The following DLEU7 variants were observed in gnomAD, a reference collection of about 807,000 sequenced individuals.
DLEU7 encodes the protein deleted in lymphocytic leukemia 7.
In DLEU7, 17 loss-of-function variants were observed where a neutral mutation model predicts 16.0. The observed-to-expected ratio is 1.06, with a 90% CI of 0.73 to 1.59. The LOEUF is 1.59. Among genes scored for constraint, DLEU7 ranks in the 40% most tolerant of loss-of-function variants. The probability of loss-of-function intolerance (pLI) is 0.00; values close to 1 mark genes in which losing one functional copy is unlikely to be tolerated. For synonymous variants in DLEU7, 113 were observed against 139.8 expected (o/e 0.81, Z 1.35); for missense variants, 308 against 314.9 (o/e 0.98, Z 0.17).
chr13:50,767,319 G>C (rs1024715442), intron 1 of DLEU7, among the ~76,000 whole-genome samples: 1 of 152,118 alleles, frequency 6.6e-6, no homozygotes, highest in African/African-American at 2.4e-5. Flanking sequence ...AGCCGGGCGT[G>C]GTGGCGGGCG....
intron 1 of DLEU7, among the ~76,000 whole-genome samples, chr13:50,730,167 G>T (rs9591349): frequency 0.32 from 47,884 of 151,526 alleles, 8,233 homozygotes; most frequent in African/African-American, 0.39. Context: ...GGAGGCAGAG[G>T]AGGGGTTGGT....
intron 1 of DLEU7, among the ~76,000 whole-genome samples, chr13:50,760,340 A>G (rs1874891918): frequency 6.6e-6 from 1 of 152,120 alleles, no homozygotes. Context: ...GCACTTCAGT[A>G]TTCTTTTTTT....
intron 1 of DLEU7, among the ~76,000 whole-genome samples, chr13:50,840,785 G>A (rs763687272): frequency 6.7e-6 from 1 of 148,428 alleles, no homozygotes; most frequent in Non-Finnish European, 1.5e-5. Flanking sequence ...ATATACATGG[G>A]GATGGGGGGG....
intron 1 of DLEU7, 137 bp from the exon 2 acceptor site, chr13:50,823,657 C>G (rs1042156765): frequency 1.9e-6 from 2 of 1,049,702 alleles, no homozygotes; most frequent in Non-Finnish European, 2.7e-6. Context: ...AAAACTACAC[C>G]CCATTCTTAG....
At chr13:50,779,136 T>G (rs973953738) in intron 1 of DLEU7, among the ~76,000 whole-genome samples, 5 of 152,194 alleles carry the variant, frequency 3.3e-5, no homozygotes, top group African/African-American at 1.2e-4. Flanking sequence ...CACAGCACGT[T>G]GTACAGCCAG....
intron 1 of DLEU7, among the ~76,000 whole-genome samples, chr13:50,757,588 C>G (rs551635714): frequency 6.6e-6 from 1 of 152,272 alleles, no homozygotes; most frequent in South Asian, 2.1e-4. Flanking sequence ...GTTTGTTTCT[C>G]CTGGCACACT....
Position 50,726,778 on chromosome 13 carries a change from C to G in DLEU7, c.460-13538G>C, listed in dbSNP as rs1366665393. Among the ~76,000 whole-genome samples the G allele has an allele frequency of 6.6e-6, 1 of 152,066 alleles. No homozygotes were observed. Among genetic ancestry groups the G allele is most frequent in the Non-Finnish European group, 1.5e-5 (1 of 68,016 alleles). Reference sequence around the variant, plus strand: ...TTAGGGCTGTGACCTTGACCATGCCCCCTACCTTCCTGGGCCTCAGGAAAT... The same window carrying G: ...TTAGGGCTGTGACCTTGACCATGCCGCCTACCTTCCTGGGCCTCAGGAAAT... On this transcript the variant is annotated intron_variant, in intron 1 of 1. Transcript: ENST00000400393. This position sits in a 1 kb window ranked among gnomAD's most constrained non-coding sequence, Gnocchi z 4.0.
intron 1 of DLEU7, among the ~76,000 whole-genome samples, chr13:50,766,099 T>C (rs569808664): frequency 6.6e-5 from 10 of 152,314 alleles, no homozygotes; most frequent in Non-Finnish European, 1.5e-4. Context: ...TCCAAACAGA[T>C]GTTGTCTGGC....
intron 1 of DLEU7, among the ~76,000 whole-genome samples, chr13:50,795,366 A>G (rs1166244960): frequency 2.0e-5 from 3 of 152,204 alleles, no homozygotes; most frequent in Admixed American, 1.3e-4. Context: ...AGAGTGGTCC[A>G]GTATCTCACC....
intron 1 of DLEU7, among the ~76,000 whole-genome samples, chr13:50,755,628 C>G (rs1874731276): frequency 6.6e-6 from 1 of 151,986 alleles, no homozygotes; most frequent in African/African-American, 2.4e-5. Flanking sequence ...TTGCATTGGG[C>G]TTCGCCTTTC....
intron 1 of DLEU7, among the ~76,000 whole-genome samples, chr13:50,825,083 A>G (rs1877041955): frequency 6.6e-6 from 1 of 152,150 alleles, no homozygotes; most frequent in African/African-American, 2.4e-5. Context: ...ATCATCAGGC[A>G]TTAGATTCTC....
At chr13:50,806,559 A>G (rs978498013) in intron 1 of DLEU7, among the ~76,000 whole-genome samples, 3 of 151,990 alleles carry the variant, frequency 2.0e-5, no homozygotes, top group Admixed American at 6.6e-5. Flanking sequence ...GACTCATATT[A>G]GACAGCTCGG....
At chr13:50,762,516 C>T (rs551043069) in intron 1 of DLEU7, among the ~76,000 whole-genome samples, 7 of 152,272 alleles carry the variant, frequency 4.6e-5, no homozygotes, top group South Asian at 4.1e-4. Context: ...ATTTCTTTGC[C>T]TCTCAAGGCC....
At position 50,843,433 on chromosome 13, in the gene DLEU7, C is replaced by G; in HGVS notation, c.214G>C (p.Val72Leu). The change falls in exon 1 of 2, where the codon GTG becomes CTG. Residue 72 changes from valine (V) to leucine (L), a missense_variant. Coordinates refer to ENST00000504404, the MANE Select transcript of DLEU7 (RefSeq NM_001306135.2). The surrounding 1 kb of genome is among the most constrained non-coding windows in gnomAD (Gnocchi z 5.7). ...GPGREERGGG[V>L]GTRSRRTAAR... ...GCGGTCCGCCGACTCCTGGTCCCCA[C>G]GCCCCCGCCCCGCTCCTCGCGCCCG... is the stretch of plus-strand genomic sequence containing the variant. 1.5e-6 allele frequency: 2 copies of G among 1,306,776 alleles called. No homozygotes were observed. The highest frequency in any genetic ancestry group is 3.1e-5 in the East Asian group (1 of 31,918). 80.9% of individuals were successfully genotyped at this position (1,306,776 alleles called of 1,614,324 possible). A position where few individuals can be genotyped will look rare whatever the true frequency, so the allele number is the denominator to read the frequency against.
chr13:50,739,249 C>CAGAACACAACTGTTACT (rs1275583551), intron 1 of DLEU7, among the ~76,000 whole-genome samples: 1 of 152,148 alleles, frequency 6.6e-6, no homozygotes, highest in Non-Finnish European at 1.5e-5. Flanking sequence ...CTTTGGGACA[C>CAGAACACAACTGTTACT]AGAACACAAC....
At chr13:50,713,426 T>G (rs180991121) in intron 1 of DLEU7, among the ~76,000 whole-genome samples, 113 of 152,286 alleles carry the variant, frequency 7.4e-4, no homozygotes, top group African/African-American at 2.4e-3. Flanking sequence ...AAAATATGCA[T>G]AGAAGGACCC....
In DLEU7 at chr13:50,822,961, A is replaced by C. The variant is rs973914985; in HGVS notation, c.*353T>G. The stretch of plus-strand genomic sequence containing the variant: ...TAAATAACCACATTAAACCCTTTAG[A>C]CCTACATTAATATGAATACAAATTA... On this transcript the variant is annotated 3_prime_UTR_variant, in exon 2 of 2. Coordinates refer to ENST00000504404, the MANE Select transcript of DLEU7 (RefSeq NM_001306135.2). 3 of 949,172 alleles carry C rather than the reference A, an allele frequency of 3.2e-6. No individual in the cohort carries two copies. Among genetic ancestry groups the C allele is most frequent in the Non-Finnish European group, 3.8e-6 (3 of 788,400 alleles). The allele number at this position is 949,172 out of a possible 1,614,324, so 58.8% of individuals were successfully genotyped here.
At chr13:50,800,242 C>T (rs1181719438) in intron 1 of DLEU7, among the ~76,000 whole-genome samples, 1 of 152,146 alleles carries the variant, frequency 6.6e-6, no homozygotes, top group African/African-American at 2.4e-5. Flanking sequence ...GAAGTTAAAG[C>T]ACATAGTACT....
At chr13:50,843,741 C>A (rs1051080003), upstream of DLEU7, 2 of 1,438,620 alleles carry the variant, frequency 1.4e-6, no homozygotes, top group Non-Finnish European at 1.8e-6. This position sits in a 1 kb window ranked among gnomAD's most constrained non-coding sequence, Gnocchi z 5.7. Context: ...ATTTTCTAAC[C>A]CGCGGCTCCT....
Sources: allele counts gnomAD v4.1 joint callset (sites outside exome capture counted in the v4.1 genomes callset), GRCh38; gene constraint gnomAD v4.1.1; non-coding constraint Gnocchi (gnomAD v3.1); transcripts MANE v1.5; gene names NCBI Gene and HGNC (gene_info 2026-07-23, HGNC 2026-07-21).